Variants in ALX4 observed in about 807,000 individuals in gnomAD.
ALX4 encodes the protein ALX homeobox 4, also known as homeobox protein aristaless-like 4.
Under a neutral mutation model 40.6 loss-of-function variants are expected in ALX4, and 22 were observed. The observed-to-expected ratio is 0.54, with a 90% confidence interval of 0.39 to 0.77. The LOEUF is 0.77. ALX4 is among the 30% of genes least tolerant of loss of function. ALX4 has a pLI of 0.00. For synonymous variants in ALX4, 266 were observed against 240.5 expected (o/e 1.11, Z -0.98); for missense variants, 556 against 564.8 (o/e 0.98, Z 0.16).
At chr11:44,285,033 TG>T (rs1426093483) in intron 1 of ALX4, among the ~76,000 whole-genome samples, 1 of 152,058 alleles carries the variant, frequency 6.6e-6, no homozygotes, top group African/African-American at 2.4e-5. Context: ...GGTGCACTCT[TG>T]GCTCAGTGCA....
intron 1 of ALX4, among the ~76,000 whole-genome samples, chr11:44,283,961 T>C (rs1956324215): frequency 6.6e-6 from 1 of 152,180 alleles, no homozygotes; most frequent in Non-Finnish European, 1.5e-5. Context: ...TGTGCTTTGT[T>C]TACCCTGCTG....
chr11:44,297,249 A>G (rs1327835915), intron 1 of ALX4, among the ~76,000 whole-genome samples: 1 of 152,230 alleles, frequency 6.6e-6, no homozygotes, highest in Admixed American at 6.5e-5. Flanking sequence ...GTAGCATTTT[A>G]TGCTATGTAT....
chr11:44,281,692 G>A (rs1956311425), intron 1 of ALX4, among the ~76,000 whole-genome samples: 1 of 152,068 alleles, frequency 6.6e-6, no homozygotes, highest in East Asian at 1.9e-4. Flanking sequence ...GGTGAGGGCG[G>A]AGGTTAAAGT....
At chr11:44,301,146 T>C (rs778857431) in intron 1 of ALX4, among the ~76,000 whole-genome samples, 2 of 152,202 alleles carry the variant, frequency 1.3e-5, no homozygotes, top group African/African-American at 4.8e-5. Context: ...GAGCCTTGCG[T>C]AAATGGAATC....
chr11:44,305,400 C>T (rs1252047954), intron 1 of ALX4, among the ~76,000 whole-genome samples: 1 of 152,208 alleles, frequency 6.6e-6, no homozygotes, highest in Non-Finnish European at 1.5e-5. Context: ...CATCTTCCTT[C>T]GCCATCCCTC....
At chr11:44,268,475 C>T (rs1048150319) in intron 2 of ALX4, among the ~76,000 whole-genome samples, 2 of 152,144 alleles carry the variant, frequency 1.3e-5, no homozygotes, top group Non-Finnish European at 2.9e-5. Flanking sequence ...AAGTGGAGGC[C>T]AACCCGTCAC....
chr11:44,289,246 T>C (rs1313631391), intron 1 of ALX4, among the ~76,000 whole-genome samples: 1 of 152,202 alleles, frequency 6.6e-6, no homozygotes, highest in Non-Finnish European at 1.5e-5. Flanking sequence ...TTGCATTTTA[T>C]GGTAAAACAA....
chr11:44,268,527 A>G (rs764390951), intron 2 of ALX4, among the ~76,000 whole-genome samples: 4 of 152,164 alleles, frequency 2.6e-5, no homozygotes, highest in Admixed American at 6.5e-5. Flanking sequence ...TGGGAGCCCA[A>G]CGGGGGAGGG....
At chr11:44,284,625 C>CA (rs1678071173) in intron 1 of ALX4, among the ~76,000 whole-genome samples, 1 of 152,184 alleles carries the variant, frequency 6.6e-6, no homozygotes, top group African/African-American at 2.4e-5. Flanking sequence ...CCACCAGACT[C>CA]ACGGACTTAC....
chr11:44,288,306 T>C (rs1425424298), intron 1 of ALX4, among the ~76,000 whole-genome samples: 1 of 152,126 alleles, frequency 6.6e-6, no homozygotes, highest in Non-Finnish European at 1.5e-5. Context: ...TTGAAAATAA[T>C]GCAAATATGG....
chr11:44,301,997 G>T (rs1956437601), intron 1 of ALX4, among the ~76,000 whole-genome samples: 1 of 152,182 alleles, frequency 6.6e-6, no homozygotes, highest in East Asian at 1.9e-4. Flanking sequence ...GCCCCACCGG[G>T]GACTTGCCAC....
intron 1 of ALX4, 59 bp downstream of exon 1, chr11:44,309,538 G>A (rs1565013270): frequency 1.3e-6 from 2 of 1,531,730 alleles, no homozygotes; most frequent in East Asian, 2.5e-5. Context: ...AGTTTCAAGG[G>A]ATGCGGAAGC....
chr11:44,280,072 CT>C (rs1956300422), intron 1 of ALX4, among the ~76,000 whole-genome samples: 1 of 152,206 alleles, frequency 6.6e-6, no homozygotes, highest in Non-Finnish European at 1.5e-5. Context: ...CTCCTACCCA[CT>C]GGGGAGAAAG....
chr11:44,294,571 G>C (rs565087968), intron 1 of ALX4, among the ~76,000 whole-genome samples: 2 of 152,138 alleles, frequency 1.3e-5, no homozygotes, highest in Non-Finnish European at 2.9e-5. Flanking sequence ...CCCCCGCTGC[G>C]TTAGGTAGAG....
chr11:44,269,596 C>T (rs187147999), intron 2 of ALX4, among the ~76,000 whole-genome samples: 19 of 152,316 alleles, frequency 1.2e-4, no homozygotes, highest in African/African-American at 4.3e-4. Context: ...GAAGCCTCTT[C>T]CTTAGAAACG....
At chr11:44,302,006 A>C (rs145001261) in intron 1 of ALX4, among the ~76,000 whole-genome samples, 58 of 152,232 alleles carry the variant, frequency 3.8e-4, no homozygotes, top group Non-Finnish European at 6.9e-4. Context: ...GGGACTTGCC[A>C]CAGGGAGATT....
chr11:44,310,076 A>T lies in ALX4; in HGVS notation c.-14T>A. On this transcript the variant is annotated 5_prime_UTR_variant, in exon 1 of 4. Coordinates refer to ENST00000652299, the MANE Select transcript of ALX4 (RefSeq NM_021926.4). The stretch of plus-strand genomic sequence containing the variant: ...CTCAGCATTCATGCCTGGCTTGCGC[A>T]GGCGGCGGGCGGGGACGCGAGCGAG... 1 of 1,571,652 alleles carries T rather than the reference A, an allele frequency of 6.4e-7. No homozygotes were observed. Among genetic ancestry groups the T allele is most frequent in the African/African-American group, 1.3e-5 (1 of 74,150 alleles).
At chr11:44,299,890 C>G (rs1435349641) in intron 1 of ALX4, among the ~76,000 whole-genome samples, 1 of 152,132 alleles carries the variant, frequency 6.6e-6, no homozygotes, top group African/African-American at 2.4e-5. Flanking sequence ...GATAATAGTA[C>G]CAATCTCATA....
rs368396709 is a variant in ALX4, at chr11:44,275,578, T to C, written c.547A>G (p.Lys183Glu). Residue 183 changes from lysine to glutamate, a missense_variant, in exon 2 of 4, where the codon AAG (lysine) becomes GAG (glutamate). By Grantham distance (56) the Lys-to-Glu change is moderately conservative. Coordinates refer to ENST00000652299, the MANE Select transcript of ALX4 (RefSeq NM_021926.4). ...TGGGGCCCCTTCACCCCAGCCTCCT[T>C]GACACTCAGGTAGCTGCTGTCCATC... is the stretch of plus-strand genomic sequence containing the variant. ...VGMDSSYLSV[K>E]EAGVKGPQDR... 44 of 1,614,010 alleles carry C rather than the reference T, an allele frequency of 2.7e-5. No individual in the cohort carries two copies. The African/African-American group carries it at 5.7e-4, about 21-fold the overall frequency.
Sources: gnomAD v4.1 joint callset for allele counts (sites outside exome capture counted in the v4.1 genomes callset) on GRCh38, gnomAD v4.1.1 for gene constraint, MANE v1.5 for transcripts, NCBI Gene and HGNC (gene_info 2026-07-23, HGNC 2026-07-21) for gene names.